The following LRRTM4 variants were observed in gnomAD, a reference collection of about 807,000 sequenced individuals.
LRRTM4 encodes leucine-rich repeat transmembrane neuronal protein 4.
LRRTM4 carries 25 observed loss-of-function variants against 47.6 expected under a neutral mutation model. That is an observed-to-expected ratio of 0.53 (90% CI 0.38 to 0.73). The LOEUF is 0.73. LRRTM4 is among the 30% of genes least tolerant of loss of function. The pLI, the probability that LRRTM4 is intolerant of heterozygous loss-of-function variation, is 0.00. For missense variants in LRRTM4, 638 were observed against 713.4 expected, an observed-to-expected ratio of 0.89 and a Z score of 1.20; for synonymous variants, 311 against 269.5, an observed-to-expected ratio of 1.15 and a Z score of -1.51.
intron 3 of LRRTM4, among the ~76,000 whole-genome samples, chr2:77,059,037 T>C (rs1366598842): frequency 2.0e-5 from 3 of 152,168 alleles, no homozygotes; most frequent in East Asian, 1.9e-4. Flanking sequence ...AAAAAGTTTG[T>C]CATTTTGAAA....
intron 3 of LRRTM4, among the ~76,000 whole-genome samples, chr2:77,421,730 A>G (rs1185629156): frequency 6.6e-6 from 1 of 152,108 alleles, no homozygotes; most frequent in Non-Finnish European, 1.5e-5. Context: ...AAGAGTCCAG[A>G]CACGTGACTG....
chr2:77,038,062 C>T (rs900316884), intron 3 of LRRTM4, among the ~76,000 whole-genome samples: 1 of 151,522 alleles, frequency 6.6e-6, no homozygotes, highest in Non-Finnish European at 1.5e-5. Flanking sequence ...CAGTGATGTG[C>T]CCATCTGTTT....
intron 3 of LRRTM4, among the ~76,000 whole-genome samples, chr2:77,036,793 T>C (rs913535902): frequency 1.3e-5 from 2 of 151,698 alleles, no homozygotes; most frequent in Non-Finnish European, 3.0e-5. Context: ...TCAATAGTAG[T>C]AACTGAAGCA....
At chr2:76,819,566 A>T (rs569668590) in intron 3 of LRRTM4, among the ~76,000 whole-genome samples, 2 of 151,900 alleles carry the variant, frequency 1.3e-5, no homozygotes, top group Admixed American at 6.6e-5. Context: ...TCACTTCATA[A>T]TATTTTTGAA....
intron 3 of LRRTM4, among the ~76,000 whole-genome samples, chr2:77,233,895 T>C (rs2103975648): frequency 6.6e-6 from 1 of 152,260 alleles, no homozygotes; most frequent in East Asian, 1.9e-4. Flanking sequence ...GCCTCCATGT[T>C]CAAGCGAGTC....
At chr2:76,973,723 G>C (rs1437755192) in intron 3 of LRRTM4, among the ~76,000 whole-genome samples, 1 of 151,910 alleles carries the variant, frequency 6.6e-6, no homozygotes, top group Non-Finnish European at 1.5e-5. Flanking sequence ...TGGATGAATA[G>C]GCTTAATGTA....
At chr2:77,315,576 C>T (rs1677594595) in intron 3 of LRRTM4, among the ~76,000 whole-genome samples, 1 of 152,062 alleles carries the variant, frequency 6.6e-6, no homozygotes. Context: ...AACAAAATTT[C>T]TTATGAATGC....
At chr2:77,157,770 C>T (rs2204857) in intron 3 of LRRTM4, among the ~76,000 whole-genome samples, 3 of 152,066 alleles carry the variant, frequency 2.0e-5, no homozygotes, top group Non-Finnish European at 4.4e-5. Context: ...CTTGCTGAAA[C>T]GATTGAACCT....
intron 3 of LRRTM4, among the ~76,000 whole-genome samples, chr2:77,081,178 A>T (rs1416226669): frequency 2.0e-5 from 3 of 151,160 alleles, no homozygotes; most frequent in Non-Finnish European, 4.4e-5. Flanking sequence ...TATAGAAGCT[A>T]AGCCCCAAGA....
intron 3 of LRRTM4, among the ~76,000 whole-genome samples, chr2:77,044,201 T>G (rs992856413): frequency 6.6e-6 from 1 of 151,798 alleles, no homozygotes; most frequent in Non-Finnish European, 1.5e-5. Flanking sequence ...GGACCTACTG[T>G]CCTTCATACC....
At chr2:77,441,283 G>A (rs527935358) in intron 3 of LRRTM4, among the ~76,000 whole-genome samples, 10 of 152,196 alleles carry the variant, frequency 6.6e-5, no homozygotes, top group East Asian at 1.9e-4. Context: ...ATGCAGACCC[G>A]GTGCCTAGAA....
At chr2:77,336,086 TGGAAGGAA>T (rs141318745) in intron 3 of LRRTM4, among the ~76,000 whole-genome samples, 11,073 of 149,728 alleles carry the variant, frequency 0.074, 675 homozygotes, top group East Asian at 0.17. Flanking sequence ...GAAATTATTT[TGGAAGGAA>T]GGAAGGAAGG....
chr2:77,347,640 T>C (rs186772761), intron 3 of LRRTM4, among the ~76,000 whole-genome samples: 3 of 152,048 alleles, frequency 2.0e-5, no homozygotes, highest in Non-Finnish European at 2.9e-5. Context: ...TAAAAATGAA[T>C]TGCAAAAAAT....
intron 3 of LRRTM4, among the ~76,000 whole-genome samples, chr2:77,063,837 C>T (rs1679870406): frequency 6.6e-6 from 1 of 151,976 alleles, no homozygotes; most frequent in Non-Finnish European, 1.5e-5. Context: ...TTGTGTTCTT[C>T]CCCCATCCCA....
chr2:76,957,302 A>G (rs1242837288), intron 3 of LRRTM4, among the ~76,000 whole-genome samples: 1 of 151,662 alleles, frequency 6.6e-6, no homozygotes, highest in East Asian at 1.9e-4. Flanking sequence ...AGTTTCAGTC[A>G]TGCAAAATGA....
chr2:77,026,875 T>G (rs545013190), intron 3 of LRRTM4, among the ~76,000 whole-genome samples: 1 of 152,218 alleles, frequency 6.6e-6, no homozygotes, highest in African/African-American at 2.4e-5. Context: ...GTATTAAATG[T>G]GTCTATGAAT....
At chr2:77,126,672 G>T (rs185510414) in intron 3 of LRRTM4, among the ~76,000 whole-genome samples, 8 of 152,278 alleles carry the variant, frequency 5.3e-5, no homozygotes, top group Non-Finnish European at 1.0e-4. Flanking sequence ...AGTGACATAG[G>T]GGTCTTGTCA....
chr2:76,876,320 G>A (rs776380093), intron 3 of LRRTM4, among the ~76,000 whole-genome samples: 9 of 152,082 alleles, frequency 5.9e-5, no homozygotes, highest in Non-Finnish European at 1.3e-4. Context: ...AATTTCAGAA[G>A]CATAAAATTG....
Position 77,519,359 on chromosome 2 carries a change from C to G in LRRTM4, c.510G>C (p.Lys170Asn), listed in dbSNP as rs1184992929. 1.9e-6 allele frequency: 3 copies of G among 1,613,350 alleles called. No homozygotes were observed. Among genetic ancestry groups the G allele is most frequent in the Non-Finnish European group, 2.5e-6 (3 of 1,179,592 alleles). Reference protein sequence around the residue: ...IILHLRSNSLKTVPIRVFQDC... With the variant: ...IILHLRSNSLNTVPIRVFQDC... ...CTTGAAAAACTCTTATGGGCACAGT[C>G]TTTAGTGAGTTAGATCTCAAGTGCA... The change falls in exon 3 of 4, where the codon AAG becomes AAC. Residue 170 changes from lysine to asparagine, a missense_variant. Transcript: ENST00000409884. This position sits in a 1 kb window ranked among gnomAD's most constrained non-coding sequence, Gnocchi z 4.6.
Sources: gnomAD v4.1 joint callset for allele counts (sites outside exome capture counted in the v4.1 genomes callset) on GRCh38, gnomAD v4.1.1 for gene constraint, Gnocchi (gnomAD v3.1) non-coding constraint, MANE v1.5 for transcripts, NCBI Gene and HGNC (gene_info 2026-07-23, HGNC 2026-07-21) for gene names.